The following STAU2 variants were observed in gnomAD, a reference collection of about 807,000 sequenced individuals.
The protein encoded by STAU2 is staufen double-stranded RNA binding protein 2.
Under a neutral mutation model 65.9 loss-of-function variants are expected in STAU2, and 20 were observed. The observed-to-expected ratio is 0.30, with a 90% CI of 0.21 to 0.44. The LOEUF (loss-of-function observed/expected upper bound fraction) is 0.44. Among genes scored for constraint, STAU2 ranks in the 20% least tolerant of loss-of-function variants. The probability of loss-of-function intolerance (pLI) is 1.00; values close to 1 mark genes in which losing one functional copy is unlikely to be tolerated. For missense variants in STAU2, 558 were observed against 683.9 expected, an observed-to-expected ratio of 0.82 and a Z score of 2.05; for synonymous variants, 232 against 233.9, an observed-to-expected ratio of 0.99 and a Z score of 0.07.
At chr8:73,503,051 A>C (rs1821852734) in intron 13 of STAU2, among the ~76,000 whole-genome samples, 1 of 152,104 alleles carries the variant, frequency 6.6e-6, no homozygotes, top group Admixed American at 6.6e-5. Context: ...CTTAAGTTAC[A>C]AATTTGATTG....
chr8:73,732,596 T>C (rs1410301521), intron 3 of STAU2: 4 of 152,232 alleles, frequency 2.6e-5, no homozygotes, highest in African/African-American at 9.6e-5. Flanking sequence ...GGCTATATTC[T>C]ATGGCTACAA....
At chr8:73,639,346 T>C (rs1271194759) in intron 6 of STAU2, among the ~76,000 whole-genome samples, 1 of 152,152 alleles carries the variant, frequency 6.6e-6, no homozygotes, top group African/African-American at 2.4e-5. Flanking sequence ...TATACAATTG[T>C]TTCTATGCTC....
chr8:73,477,335 T>C (rs1188577132), intron 13 of STAU2, among the ~76,000 whole-genome samples: 2 of 152,170 alleles, frequency 1.3e-5, no homozygotes, highest in African/African-American at 4.8e-5. Context: ...GAAATAACTT[T>C]CATGGGGTCC....
intron 13 of STAU2, among the ~76,000 whole-genome samples, chr8:73,494,202 C>T (rs550458887): frequency 3.5e-4 from 53 of 151,790 alleles, no homozygotes; most frequent in East Asian, 1.6e-3. Context: ...CGTTTATGGA[C>T]GCCCATGCTA....
intron 6 of STAU2, among the ~76,000 whole-genome samples, chr8:73,627,670 A>G (rs1444195502): frequency 1.3e-5 from 2 of 152,172 alleles, no homozygotes; most frequent in Non-Finnish European, 2.9e-5. Context: ...AACTTCCAAA[A>G]GAATACTAAA....
intron 13 of STAU2, among the ~76,000 whole-genome samples, chr8:73,539,736 A>C (rs545427352): frequency 6.6e-6 from 1 of 152,034 alleles, no homozygotes; most frequent in East Asian, 1.9e-4. Context: ...CCAGCTATTC[A>C]GGAGGCTGAG....
chr8:73,660,022 T>C (rs1490257910), intron 6 of STAU2, among the ~76,000 whole-genome samples: 3 of 152,172 alleles, frequency 2.0e-5, no homozygotes, highest in South Asian at 4.1e-4. Context: ...AGGATTTCAA[T>C]AGCATTAAAA....
intron 6 of STAU2, among the ~76,000 whole-genome samples, chr8:73,636,771 G>C (rs1814547000): frequency 6.6e-6 from 1 of 151,436 alleles, no homozygotes; most frequent in African/African-American, 2.4e-5. Flanking sequence ...GCTGAGGCAT[G>C]AGAATCGCTT....
chr8:73,688,028 TA>T (rs144490442), intron 5 of STAU2, among the ~76,000 whole-genome samples: 10,985 of 146,262 alleles, frequency 0.075, 426 homozygotes, highest in Middle Eastern at 0.15. Flanking sequence ...ATCTTTACTT[TA>T]AAAAAAAAAA....
intron 3 of STAU2, among the ~76,000 whole-genome samples, chr8:73,730,663 G>A (rs535520215): frequency 6.1e-5 from 9 of 148,410 alleles, no homozygotes; most frequent in African/African-American, 1.0e-4. Context: ...GGAGGCAGAG[G>A]TTGCGGTGAG....
intron 4 of STAU2, chr8:73,697,440 A>G (rs1242262142): frequency 6.6e-6 from 1 of 152,246 alleles, no homozygotes; most frequent in Non-Finnish European, 1.5e-5. Context: ...GGAGTTCTTC[A>G]ATCTGAAAGA....
intron 6 of STAU2, among the ~76,000 whole-genome samples, chr8:73,645,993 G>A (rs2130172109): frequency 6.6e-6 from 1 of 152,174 alleles, no homozygotes; most frequent in East Asian, 1.9e-4. Flanking sequence ...AGATTTGTGT[G>A]GGGACACAGA....
At chr8:73,688,069 C>T (rs1440088291) in intron 5 of STAU2, among the ~76,000 whole-genome samples, 1 of 151,246 alleles carries the variant, frequency 6.6e-6, no homozygotes, top group Non-Finnish European at 1.5e-5. Flanking sequence ...GCTTTGTATT[C>T]AAATATGTTT....
intron 9 of STAU2, among the ~76,000 whole-genome samples, chr8:73,609,372 G>T (rs778940356): frequency 6.6e-6 from 1 of 151,972 alleles, no homozygotes; most frequent in Non-Finnish European, 1.5e-5. Flanking sequence ...TTAAATAAAG[G>T]GCCGGGCGCG....
At chr8:73,439,910 C>G (rs16938658) in intron 13 of STAU2, 10,861 of 152,358 alleles carry the variant, frequency 0.071, 918 homozygotes, top group African/African-American at 0.2. Context: ...TCTGAACTAC[C>G]TATATCATCC....
intron 6 of STAU2, chr8:73,668,999 C>T (rs1436351557): frequency 1.4e-6 from 1 of 698,142 alleles, no homozygotes; most frequent in African/African-American, 1.8e-5. Context: ...TGGACTTCAC[C>T]TTTCATTCCC....
intron 3 of STAU2, among the ~76,000 whole-genome samples, chr8:73,726,789 C>G (rs1805670679): frequency 1.3e-5 from 2 of 152,168 alleles, no homozygotes; most frequent in Non-Finnish European, 2.9e-5. Flanking sequence ...ATATCTTTGT[C>G]TGCTAAACCA....
chr8:73,615,509 A>T (rs916947616), intron 8 of STAU2, among the ~76,000 whole-genome samples, 166 bp downstream of exon 8: 1 of 152,210 alleles, frequency 6.6e-6, no homozygotes. Flanking sequence ...TGTTATCATC[A>T]TGATTTCTAT....
At chr8:73,575,296 A>G (rs950937783) in intron 12 of STAU2, among the ~76,000 whole-genome samples, 3 of 152,212 alleles carry the variant, frequency 2.0e-5, no homozygotes, top group Non-Finnish European at 2.9e-5. Context: ...ACTGAATACC[A>G]TATTTCAACT....
Sources: allele counts gnomAD v4.1 joint callset (sites outside exome capture counted in the v4.1 genomes callset), GRCh38; gene constraint gnomAD v4.1.1; transcripts MANE v1.5; gene names NCBI Gene and HGNC (gene_info 2026-07-23, HGNC 2026-07-21).